Variants in CDC23 observed in about 807,000 individuals in gnomAD.
CDC23 encodes the protein cell division cycle 23.
A neutral mutation model predicts 81.7 loss-of-function variants in CDC23; 26 were observed. That is an observed-to-expected ratio of 0.32 (90% CI 0.23 to 0.44). The LOEUF (loss-of-function observed/expected upper bound fraction) is 0.44. Ranked by LOEUF, CDC23 falls within the 20% of genes least tolerant of loss-of-function variation. The pLI, the probability that CDC23 is intolerant of heterozygous loss-of-function variation, is 1.00. For missense variants in CDC23, 519 were observed against 728.0 expected (o/e 0.71, Z 3.30); for synonymous variants, 267 against 270.8 (o/e 0.99, Z 0.14).
At chr5:138,196,492 T>C (rs1253670272) in intron 9 of CDC23, among the ~76,000 whole-genome samples, 4 of 151,636 alleles carry the variant, frequency 2.6e-5, no homozygotes, top group Non-Finnish European at 5.9e-5. Flanking sequence ...GGTTTCCATG[T>C]TGGCCAGGCT....
At chr5:138,208,836 T>G (rs980925825) in intron 2 of CDC23, among the ~76,000 whole-genome samples, 1 of 152,208 alleles carries the variant, frequency 6.6e-6, no homozygotes, top group East Asian at 1.9e-4. Context: ...TCTCCTGGGC[T>G]GCAGTGTAGT....
chr5:138,204,081 A>G (rs1024901242), intron 3 of CDC23, among the ~76,000 whole-genome samples: 3 of 152,238 alleles, frequency 2.0e-5, no homozygotes, highest in Admixed American at 6.5e-5. Context: ...AAGAATGATG[A>G]TATCTGCAAC....
chr5:138,190,906 T>C (rs982007133), intron 13 of CDC23, among the ~76,000 whole-genome samples: 2 of 152,136 alleles, frequency 1.3e-5, no homozygotes, highest in Non-Finnish European at 1.5e-5. Flanking sequence ...CAACTCAATT[T>C]TTTTCCTAAG....
At chr5:138,204,642 C>CG (rs1402254336) in intron 3 of CDC23, among the ~76,000 whole-genome samples, 4 of 84,658 alleles carry the variant, frequency 4.7e-5, no homozygotes, top group Non-Finnish European at 1.1e-4. Flanking sequence ...TTTTTGGAGA[C>CG]GGAGTCTCAC....
In CDC23 at chr5:138,189,722, C is replaced by T. The variant is rs1754804722; in HGVS notation, c.1534G>A (p.Ala512Thr). 6.2e-7 allele frequency: 1 copy of T among 1,613,830 alleles called. No individual in the cohort carries two copies. Among genetic ancestry groups the T allele is most frequent in the African/African-American group, 1.3e-5 (1 of 74,910 alleles). Residue 512 changes from alanine (A) to threonine (T), a missense_variant, in exon 15 of 16, where the codon GCC (alanine) becomes ACC (threonine). Transcript: ENST00000394886. ...EIVEHLEESTAFRYLAQYYFK... is the reference protein window; with the variant it reads ...EIVEHLEESTTFRYLAQYYFK... ...TAGTACTGGGCCAGATAGCGAAAGGCAGTGCTTTCCTCCAAGTGTTCTACT... is the reference window on the plus strand; with the variant it reads ...TAGTACTGGGCCAGATAGCGAAAGGTAGTGCTTTCCTCCAAGTGTTCTACT...
intron 2 of CDC23, among the ~76,000 whole-genome samples, chr5:138,211,061 TGCACTC>T (rs1755106859): frequency 6.6e-6 from 1 of 152,150 alleles, no homozygotes; most frequent in Admixed American, 6.6e-5. Context: ...AAAAAACATC[TGCACTC>T]GCATGTTTAC....
intron 9 of CDC23, 82 bp from the exon 10 acceptor site, chr5:138,192,739 T>C: frequency 1.6e-6 from 2 of 1,281,298 alleles, no homozygotes; most frequent in East Asian, 2.4e-5. Context: ...TTCCACCAAA[T>C]GGGCGTGAAA....
rs1437514511 is a variant in CDC23, at chr5:138,189,057, A to G, written c.1715T>C (p.Phe572Ser). 1 of 1,613,982 alleles carries G rather than the reference A, an allele frequency of 6.2e-7. No individual in the cohort carries two copies. Among genetic ancestry groups the G allele is most frequent in the African/African-American group, 1.3e-5 (1 of 75,010 alleles). The change falls in exon 16 of 16, where the codon TTC becomes TCC. Residue 572 changes from phenylalanine (F) to serine (S), a missense_variant. By Grantham distance (155) the Phe-to-Ser change is radical (BLOSUM62 -2). Transcript: ENST00000394886. ...TPTTEVPAPF[F>S]LPASLSANNT... is the part of the protein sequence containing the mutation. ...GTTAGCAGAGAGTGAAGCAGGTAGG[A>G]AAAAGGGAGCAGGCACCTCGGTGGT...
intron 9 of CDC23, among the ~76,000 whole-genome samples, chr5:138,196,801 C>T (rs1159448566): frequency 2.7e-5 from 4 of 150,706 alleles, no homozygotes; most frequent in African/African-American, 7.3e-5. Flanking sequence ...AGGATGGTCT[C>T]GATCTCCTGA....
chr5:138,202,727 A>G (rs1340503224), intron 3 of CDC23, among the ~76,000 whole-genome samples: 2 of 152,252 alleles, frequency 1.3e-5, no homozygotes, highest in African/African-American at 4.8e-5. Context: ...AGATAAATAA[A>G]TGGGGAAAGG....
chr5:138,190,242 G>A (rs1159776545), intron 13 of CDC23: 1 of 228,424 alleles, frequency 4.4e-6, no homozygotes, highest in Non-Finnish European at 8.7e-6. Flanking sequence ...CAGATCACTT[G>A]AGGTCAGGAG....
Position 138,202,276 on chromosome 5 carries a change from A to ATTAT in CDC23, c.373-125_373-122dup, listed in dbSNP as rs17228408. ...ACCAAAATGGCATCGACTTTTGGTC[A>ATTAT]TTATTTATTTATTTATTTATTTGAG... is the stretch of plus-strand genomic sequence containing the variant. On this transcript the variant is annotated intron_variant, in intron 3 of 15. Coordinates refer to ENST00000394886, the MANE Select transcript of CDC23 (RefSeq NM_004661.4). The ATTAT allele has an allele frequency of 7.3e-3, 4,784 of 656,224 alleles. 31 individuals are homozygous for ATTAT. The highest frequency in any genetic ancestry group is 0.01 in the Non-Finnish European group (3,815 of 380,568). 40.7% of individuals were successfully genotyped at this position (656,224 alleles called of 1,614,324 possible). A position where few individuals can be genotyped will look rare whatever the true frequency, so the allele number is the denominator to read the frequency against.
chr5:138,196,927 G>GTC (rs1227645535), intron 9 of CDC23, among the ~76,000 whole-genome samples: 1 of 135,940 alleles, frequency 7.4e-6, no homozygotes, highest in African/African-American at 2.9e-5. Context: ...TAGAGACAGG[G>GTC]TCTCACTGTC....
rs371065597 is a variant in CDC23, at chr5:138,213,037, G to A, written c.188C>T (p.Pro63Leu). 2.2e-5 allele frequency: 36 copies of A among 1,613,884 alleles called. No homozygotes were observed. In the African/African-American group the frequency reaches 3.9e-4, roughly 17 times the overall value. ...TTGCAGCTCGGCCAGAGGCAATGCA[G>A]GGAGAGAGAAAGCCAACTCCGCCGA... is the stretch of plus-strand genomic sequence containing the variant. Reference protein sequence around the residue: ...KWSAELAFSLPALPLAELQPP... With the variant: ...KWSAELAFSLLALPLAELQPP... The change falls in exon 2 of 16, where the codon CCT becomes CTT. Residue 63 changes from proline to leucine, a missense_variant. This residue lies in a region of CDC23 where 126 missense variants were observed against 116.2 expected (regional missense o/e 1.08). Transcript: ENST00000394886.
chr5:138,209,675 A>ACC (rs533105772), intron 2 of CDC23, among the ~76,000 whole-genome samples: 92 of 150,840 alleles, frequency 6.1e-4, no homozygotes, highest in Admixed American at 5.1e-3. Context: ...AAATACAAAA[A>ACC]TTAGCCAGGC....
At chr5:138,202,613 C>T (rs555530480) in intron 3 of CDC23, among the ~76,000 whole-genome samples, 31 of 152,216 alleles carry the variant, frequency 2.0e-4, no homozygotes, top group African/African-American at 5.1e-4. Flanking sequence ...CTCTTCAGGG[C>T]CTCCCTGGCC....
chr5:138,201,170 A>T lies in CDC23; in HGVS notation c.591T>A (p.His197Gln), dbSNP rs752545888. Residue 197 changes from histidine to glutamine, a missense_variant, in exon 6 of 16, where the codon CAT (histidine) becomes CAA (glutamine). Physicochemically the swap from His to Gln is conservative, Grantham distance 24 (BLOSUM62 0). Transcript: ENST00000394886. ...AGGCTCCCCAATGCAAGGGCAAAAC[A>T]TGAGTAGCTTCCACAAACACATCAA... Reference protein sequence around the residue: ...EAIDVFVEATHVLPLHWGAWL... With the variant: ...EAIDVFVEATQVLPLHWGAWL... 15 of 1,614,232 alleles carry T rather than the reference A, an allele frequency of 9.3e-6. No homozygotes were observed. In the South Asian group the frequency reaches 1.2e-4, roughly 13 times the overall value.
At position 138,206,691 on chromosome 5, in the gene CDC23, A is replaced by C; in HGVS notation, c.235-7T>G. ...CCATATCCTGGGCATCTTCCTAAAA[A>C]AGAAACAAGCTTATGTAAGTGGTTG... is the stretch of plus-strand genomic sequence containing the variant. On this transcript the variant is annotated splice_region_variant and splice_polypyrimidine_tract_variant and intron_variant, in intron 2 of 15. Transcript: ENST00000394886. 6.2e-7 allele frequency: 1 copy of C among 1,608,478 alleles called. No individual in the cohort carries two copies.
intron 9 of CDC23, among the ~76,000 whole-genome samples, chr5:138,197,494 TA>T (rs1211695913): frequency 1.0e-4 from 15 of 149,226 alleles, no homozygotes; most frequent in Non-Finnish European, 1.5e-4. Context: ...AATACATATT[TA>T]TTTTTTTTTT....
Sources: gnomAD v4.1 joint callset for allele counts (sites outside exome capture counted in the v4.1 genomes callset) on GRCh38, gnomAD v4.1.1 for gene constraint, gnomAD v4.1.1 regional missense constraint, MANE v1.5 for transcripts, NCBI Gene and HGNC (gene_info 2026-07-23, HGNC 2026-07-21) for gene names.